The following PTCSC3 variants were observed in gnomAD, a reference collection of about 807,000 sequenced individuals.
The protein encoded by PTCSC3 is papillary thyroid carcinoma susceptibility candidate 3 (non-protein coding).
chr14:36,155,069 C>T (rs1881800741), intron 2 of PTCSC3, among the ~76,000 whole-genome samples: 1 of 151,980 alleles, frequency 6.6e-6, no homozygotes, highest in African/African-American at 2.4e-5. Flanking sequence ...CAAATTACAC[C>T]TCAGGAAAAA....
intron 2 of PTCSC3, among the ~76,000 whole-genome samples, chr14:36,157,585 G>T (rs1224389692): frequency 6.6e-6 from 1 of 152,006 alleles, no homozygotes; most frequent in Non-Finnish European, 1.5e-5. Context: ...GTAAGGAAGG[G>T]GTTCAGTTTC....
intron 1 of PTCSC3, among the ~76,000 whole-genome samples, chr14:36,168,394 TA>T (rs1882135734): frequency 3.4e-5 from 5 of 145,204 alleles, no homozygotes; most frequent in Non-Finnish European, 1.5e-5. Context: ...TATATATATA[TA>T]TATTCTACTT....
intron 3 of PTCSC3, among the ~76,000 whole-genome samples, chr14:36,146,653 T>C (rs1456951295): frequency 2.4e-4 from 36 of 152,378 alleles, no homozygotes; most frequent in African/African-American, 7.9e-4. Flanking sequence ...GAGCATTTAG[T>C]CCGTTTACAT....
intron 3 of PTCSC3, among the ~76,000 whole-genome samples, chr14:36,140,279 AT>A (rs1321963657): frequency 6.6e-6 from 1 of 152,228 alleles, no homozygotes; most frequent in Non-Finnish European, 1.5e-5. Context: ...GCAATTATGA[AT>A]AAAGCTGTTA....
intron 1 of PTCSC3, among the ~76,000 whole-genome samples, chr14:36,168,146 T>C (rs1182412946): frequency 6.6e-6 from 1 of 151,960 alleles, no homozygotes; most frequent in East Asian, 1.9e-4. Flanking sequence ...ATTTTCTATC[T>C]TGATATTTTC....
intron 3 of PTCSC3, among the ~76,000 whole-genome samples, chr14:36,137,275 G>C (rs1160228825): frequency 6.6e-6 from 1 of 152,184 alleles, no homozygotes; most frequent in Non-Finnish European, 1.5e-5. Context: ...AACGAGGCCA[G>C]TGTGGCTGGA....
chr14:36,148,938 A>T (rs1480307858), intron 3 of PTCSC3, among the ~76,000 whole-genome samples: 15 of 152,194 alleles, frequency 9.9e-5, no homozygotes, highest in African/African-American at 3.6e-4. Context: ...TTTATCAATT[A>T]GATTGCTCTA....
chr14:36,158,230 T>C (rs1035913361), intron 2 of PTCSC3, among the ~76,000 whole-genome samples: 1 of 152,242 alleles, frequency 6.6e-6, no homozygotes, highest in African/African-American at 2.4e-5. Context: ...CTTTTCTTAA[T>C]TGAATACACT....
chr14:36,174,104 T>A (rs1343267767), intron 1 of PTCSC3, among the ~76,000 whole-genome samples: 1 of 152,158 alleles, frequency 6.6e-6, no homozygotes, highest in Non-Finnish European at 1.5e-5. Flanking sequence ...TTCGTTGAAA[T>A]TCTTATATGT....
At chr14:36,150,905 A>G (rs796969356) in intron 3 of PTCSC3, among the ~76,000 whole-genome samples, 3 of 151,698 alleles carry the variant, frequency 2.0e-5, no homozygotes, top group African/African-American at 7.2e-5. Flanking sequence ...AAACAATTAT[A>G]TATTACATAA....
intron 1 of PTCSC3, among the ~76,000 whole-genome samples, chr14:36,174,155 C>T (rs1274950342): frequency 6.6e-6 from 1 of 151,838 alleles, no homozygotes; most frequent in Non-Finnish European, 1.5e-5. Flanking sequence ...AGTTCGGGGC[C>T]ATGATTTCTT....
At chr14:36,162,162 G>A (rs535902000) in intron 2 of PTCSC3, among the ~76,000 whole-genome samples, 3 of 151,648 alleles carry the variant, frequency 2.0e-5, no homozygotes, top group South Asian at 2.1e-4. Context: ...GGGTGGGATC[G>A]GCTGAGCAAG....
intron 1 of PTCSC3, among the ~76,000 whole-genome samples, chr14:36,170,294 G>T (rs118151129): frequency 4.0e-5 from 6 of 151,864 alleles, no homozygotes; most frequent in African/African-American, 1.5e-4. Context: ...AGTTCAAACC[G>T]ATTTCTCAGT....
chr14:36,140,931 C>A (rs1881404599), intron 3 of PTCSC3, among the ~76,000 whole-genome samples: 1 of 151,994 alleles, frequency 6.6e-6, no homozygotes, highest in South Asian at 2.1e-4. Context: ...TGTGTCTCGA[C>A]TTTTTTGAGG....
At chr14:36,167,016 C>A (rs115392347) in intron 1 of PTCSC3, among the ~76,000 whole-genome samples, 2 of 152,256 alleles carry the variant, frequency 1.3e-5, no homozygotes, top group African/African-American at 4.8e-5. Flanking sequence ...ATGATAGAGG[C>A]TATACCATAA....
chr14:36,151,405 CT>C (rs1881720886), intron 3 of PTCSC3, among the ~76,000 whole-genome samples: 1 of 151,938 alleles, frequency 6.6e-6, no homozygotes, highest in Non-Finnish European at 1.5e-5. Flanking sequence ...CTTTCTCGAT[CT>C]TTGGCTTGGT....
At chr14:36,137,765 A>C (rs1458716761) in intron 3 of PTCSC3, among the ~76,000 whole-genome samples, 4 of 152,210 alleles carry the variant, frequency 2.6e-5, no homozygotes, top group African/African-American at 4.8e-5. Flanking sequence ...AAGGCTGCAA[A>C]AGGAGCAGGT....
chr14:36,161,747 C>T (rs1263058236), intron 2 of PTCSC3, among the ~76,000 whole-genome samples: 1 of 152,158 alleles, frequency 6.6e-6, no homozygotes, highest in Admixed American at 6.5e-5. Context: ...AGAGCTTGAA[C>T]GCTGTGCTGG....
intron 3 of PTCSC3, among the ~76,000 whole-genome samples, chr14:36,139,461 G>A (rs1449670758): frequency 6.6e-6 from 1 of 151,926 alleles, no homozygotes; most frequent in Non-Finnish European, 1.5e-5. Flanking sequence ...CAGAATCCAT[G>A]TGTGTCTCAT....
Sources: allele counts gnomAD v4.1 joint callset (sites outside exome capture counted in the v4.1 genomes callset), GRCh38; gene constraint gnomAD v4.1.1; transcripts MANE v1.5; gene names NCBI Gene and HGNC (gene_info 2026-07-23, HGNC 2026-07-21).